NFATC1: variants seen among roughly 807,000 people sequenced by gnomAD.
The protein encoded by NFATC1 is nuclear factor of activated T-cells, cytoplasmic 1.
Under a neutral mutation model 76.0 loss-of-function variants are expected in NFATC1, and 22 were observed. The observed-to-expected ratio is 0.29, with a 90% confidence interval of 0.21 to 0.41. The LOEUF (loss-of-function observed/expected upper bound fraction) is 0.41. Among genes scored for constraint, NFATC1 ranks in the 10% least tolerant of loss-of-function variants. The probability of loss-of-function intolerance (pLI) is 1.00; values close to 1 mark genes in which losing one functional copy is unlikely to be tolerated. For missense variants in NFATC1, 1,357 were observed against 1,337.7 expected, an observed-to-expected ratio of 1.01 and a Z score of -0.23; for synonymous variants, 704 against 613.1, an observed-to-expected ratio of 1.15 and a Z score of -2.19.
At chr18:79,485,403 G>T (rs532410296) in intron 8 of NFATC1, among the ~76,000 whole-genome samples, 24 of 152,358 alleles carry the variant, frequency 1.6e-4, no homozygotes, top group African/African-American at 5.3e-4. Context: ...AACAGCAACC[G>T]CAGGAATGCC....
At chr18:79,404,116 G>C (rs897049317) in intron 1 of NFATC1, among the ~76,000 whole-genome samples, 1 of 152,156 alleles carries the variant, frequency 6.6e-6, no homozygotes, top group African/African-American at 2.4e-5. Flanking sequence ...TTAATTCCTT[G>C]AAAACAGAAT....
At chr18:79,491,858 G>C (rs1435452591) in intron 9 of NFATC1, among the ~76,000 whole-genome samples, 2 of 152,122 alleles carry the variant, frequency 1.3e-5, no homozygotes, top group Non-Finnish European at 2.9e-5. Flanking sequence ...ACCCAGCCAT[G>C]TTTGAGAGGC....
At chr18:79,422,745 C>T (rs1014599858) in intron 2 of NFATC1, 4 of 152,280 alleles carry the variant, frequency 2.6e-5, no homozygotes, top group Non-Finnish European at 5.9e-5. Context: ...CAAGCACCCT[C>T]TCCCACCCTT....
chr18:79,450,937 G>C lies in NFATC1; in HGVS notation c.1590-17G>C. 1 of 1,606,068 alleles carries C rather than the reference G, an allele frequency of 6.2e-7. No homozygotes were observed. The highest frequency in any genetic ancestry group is 1.1e-5 in the South Asian group (1 of 90,810). Reference sequence around the variant, plus strand: ...TCAGCCATTGAAAGAAAAGCTGTGGGCTTTTGTTTTGGGCAGCATTGACTG... The same window carrying C: ...TCAGCCATTGAAAGAAAAGCTGTGGCCTTTTGTTTTGGGCAGCATTGACTG... On this transcript the variant is annotated splice_polypyrimidine_tract_variant and intron_variant, in intron 4 of 9. Coordinates refer to ENST00000427363, the MANE Select transcript of NFATC1 (RefSeq NM_001278669.2).
rs1419165793 is a variant in NFATC1, at chr18:79,510,637, G to A, written c.2783-16891G>A. Among the ~76,000 whole-genome samples, 3 of 152,380 alleles carry A rather than the reference G, an allele frequency of 2.0e-5. No individual in the cohort carries two copies. In the East Asian group the frequency reaches 5.8e-4, roughly 29 times the overall value. Reference sequence around the variant, plus strand: ...AGTGTCATGAGGTTTGAAACCCTGAGGATGAGATGCATTCCCAGTTGCCAG... The same window carrying A: ...AGTGTCATGAGGTTTGAAACCCTGAAGATGAGATGCATTCCCAGTTGCCAG... On this transcript the variant is annotated intron_variant, in intron 9 of 9. Coordinates refer to ENST00000427363, the MANE Select transcript of NFATC1 (RefSeq NM_001278669.2).
rs1313910880 is a variant in NFATC1, at chr18:79,461,364, C to T, written c.1957C>T (p.Pro653Ser). The change falls in exon 7 of 10, where the codon CCG (proline) becomes TCG (serine). Residue 653 changes from proline to serine, a missense_variant and splice_region_variant. Coordinates refer to ENST00000427363, the MANE Select transcript of NFATC1 (RefSeq NM_001278669.2). ...EAKTDRDLCK[P>S]NSLVVEIPPF... is the part of the protein sequence containing the mutation. ...GAAAACTGACCGGGACCTGTGCAAG[C>T]CGGTGAGTGCCTTTGGCGCAGCTGG... The T allele has an allele frequency of 6.8e-7, 1 of 1,468,610 alleles. No individual in the cohort carries two copies. The highest frequency in any genetic ancestry group is 1.9e-5 in the Admixed American group (1 of 51,736). The allele number at this position is 1,468,610 out of a possible 1,614,324, so 91.0% of individuals were successfully genotyped here. A position where few individuals can be genotyped will look rare whatever the true frequency, so the allele number is the denominator to read the frequency against.
At chr18:79,527,331 C>G (rs1401475665) in intron 9 of NFATC1, 197 bp from the exon 10 acceptor site, 1 of 568,920 alleles carries the variant, frequency 1.8e-6, no homozygotes, top group Non-Finnish European at 3.1e-6. Flanking sequence ...TCTGGCGACC[C>G]CAGCTCTCTG....
At chr18:79,439,417 G>C (rs1167573732) in intron 3 of NFATC1, among the ~76,000 whole-genome samples, 1 of 152,144 alleles carries the variant, frequency 6.6e-6, no homozygotes, top group Admixed American at 6.5e-5. Context: ...GTGCAGGTCT[G>C]ACCACAAAAC....
At chr18:79,476,909 G>A (rs60137886) in intron 8 of NFATC1, among the ~76,000 whole-genome samples, 8,785 of 152,252 alleles carry the variant, frequency 0.058, 836 homozygotes, top group African/African-American at 0.2. Flanking sequence ...CTTGGAACGC[G>A]CTTCAGCAGA....
chr18:79,517,112 A>C (rs1325836565), intron 9 of NFATC1, among the ~76,000 whole-genome samples: 1 of 152,374 alleles, frequency 6.6e-6, no homozygotes, highest in African/African-American at 2.4e-5. Flanking sequence ...GTCAAAGCTG[A>C]GTACAGCAAA....
intron 8 of NFATC1, among the ~76,000 whole-genome samples, chr18:79,475,382 G>GTAAA (rs2089020544): frequency 1.4e-5 from 2 of 138,882 alleles, no homozygotes; most frequent in Non-Finnish European, 3.1e-5. Context: ...TGTCGACGTT[G>GTAAA]CGAGGGAAGC....
intron 1 of NFATC1, among the ~76,000 whole-genome samples, chr18:79,407,823 C>A (rs1479077062): frequency 1.3e-5 from 2 of 152,328 alleles, no homozygotes; most frequent in Non-Finnish European, 2.9e-5. Flanking sequence ...GAGGGCATTT[C>A]TTTACGATGG....
rs577833635 is a variant in NFATC1 at position 79,477,153 on chromosome 18, T to C, written c.2093-9095T>C. Among the ~76,000 whole-genome samples, 34 of 152,338 alleles carry C rather than the reference T, an allele frequency of 2.2e-4. No homozygotes were observed. The East Asian group carries it at 6.2e-3, about 28-fold the overall frequency. On this transcript the variant is annotated intron_variant, in intron 8 of 9. Transcript: ENST00000427363. ...AGGCAGCTTCATCCGCTGTTTTCTT[T>C]CATTGTTTGAGAAAAGTCATGCCCC...
At chr18:79,494,839 C>T (rs1322208961) in intron 9 of NFATC1, among the ~76,000 whole-genome samples, 2 of 126,172 alleles carry the variant, frequency 1.6e-5, no homozygotes, top group East Asian at 4.8e-4. Context: ...GCACACGCCC[C>T]CCATGAACCT....
At chr18:79,515,683 A>G (rs2090364508) in intron 9 of NFATC1, 1 of 152,160 alleles carries the variant, frequency 6.6e-6, no homozygotes, top group South Asian at 2.1e-4. Context: ...CTCCCCCTGG[A>G]ACAGGCAGAG....
chr18:79,520,849 C>T (rs111164325), intron 9 of NFATC1, among the ~76,000 whole-genome samples: 1 of 18,892 alleles, frequency 5.3e-5, no homozygotes, highest in South Asian at 2.4e-3. Flanking sequence ...ATGTGTGTGT[C>T]TGTGTATGTG....
intron 9 of NFATC1, among the ~76,000 whole-genome samples, chr18:79,526,871 C>G (rs1295545893): frequency 1.3e-5 from 2 of 152,340 alleles, no homozygotes; most frequent in African/African-American, 2.4e-5. Flanking sequence ...CCGGGCAGTT[C>G]CGTGACGTCA....
chr18:79,405,615 CCTT>C (rs1417355855), intron 1 of NFATC1, among the ~76,000 whole-genome samples: 1 of 152,232 alleles, frequency 6.6e-6, no homozygotes, highest in African/African-American at 2.4e-5. Flanking sequence ...CACACCTTGC[CCTT>C]CTTCTAGGAG....
At chr18:79,406,476 C>CTG (rs2085442470) in intron 1 of NFATC1, among the ~76,000 whole-genome samples, 2 of 152,120 alleles carry the variant, frequency 1.3e-5, no homozygotes, top group Non-Finnish European at 2.9e-5. Context: ...AGTTCCGCTG[C>CTG]TGTGCTTTCG....
Sources: allele counts gnomAD v4.1 joint callset (sites outside exome capture counted in the v4.1 genomes callset), GRCh38; gene constraint gnomAD v4.1.1; transcripts MANE v1.5; gene names NCBI Gene and HGNC (gene_info 2026-07-23, HGNC 2026-07-21).